The following TRHDE variants were observed in gnomAD, a reference collection of about 807,000 sequenced individuals.
TRHDE encodes thyrotropin-releasing hormone-degrading ectoenzyme.
TRHDE carries 72 observed loss-of-function variants against 125.7 expected under a neutral mutation model. The ratio of observed to expected loss-of-function variants is 0.57; its 90% CI spans 0.47 to 0.70. The LOEUF (loss-of-function observed/expected upper bound fraction) is 0.70, where lower values mean the gene tolerates loss of function less well. TRHDE is among the 30% of genes least tolerant of loss of function. TRHDE has a pLI of 0.00. For missense variants in TRHDE, 1,110 were observed against 1,327.1 expected, an observed-to-expected ratio of 0.84 and a Z score of 2.54; for synonymous variants, 509 against 509.1, an observed-to-expected ratio of 1.00 and a Z score of 0.00.
chr12:72,241,291 C>A lies in TRHDE; in HGVS notation n.279+135539C>A, dbSNP rs550986618. Among the ~76,000 whole-genome samples the A allele has an allele frequency of 4.6e-5, 7 of 152,300 alleles. No homozygotes were observed. The East Asian group carries it at 1.2e-3, about 25-fold the overall frequency. ...ACCTCAAAACACATCACTGTGCTATCCCTTTGTAGTCACATACTCCCCTTT... is the reference window on the plus strand; with the variant it reads ...ACCTCAAAACACATCACTGTGCTATACCTTTGTAGTCACATACTCCCCTTT... On this transcript the variant is annotated intron_variant and non_coding_transcript_variant, in intron 2 of 4. Transcript: ENST00000548156.
chr12:72,397,740 AAG>A (rs1257016901), intron 3 of TRHDE, among the ~76,000 whole-genome samples: 1 of 152,120 alleles, frequency 6.6e-6, no homozygotes, highest in Non-Finnish European at 1.5e-5. Flanking sequence ...GAGAGAGACA[AAG>A]AGAGGCATAG....
At chr12:72,394,715 C>T (rs1366729053) in intron 3 of TRHDE, among the ~76,000 whole-genome samples, 3 of 152,184 alleles carry the variant, frequency 2.0e-5, no homozygotes, top group African/African-American at 7.2e-5. Flanking sequence ...TTACATCTTG[C>T]AGCATACAAG....
At position 72,665,533 on chromosome 12, in the gene TRHDE, C is replaced by T. The variant is rs568711255; in HGVS notation, c.*2338C>T. 3 of 152,282 alleles carry T rather than the reference C, an allele frequency of 2.0e-5. No individual in the cohort carries two copies. Among genetic ancestry groups the T allele is most frequent in the East Asian group, 1.9e-4 (1 of 5,178 alleles). The allele number at this position is 152,282 out of a possible 1,614,324, so 9.4% of individuals were successfully genotyped here. On this transcript the variant is annotated 3_prime_UTR_variant, in exon 19 of 19. Transcript: ENST00000261180. ...ATGTTGAAATTATATCAGGCTTTAC[C>T]GGTTTTTTTAGTTGTTTAAATAAGT... is the stretch of plus-strand genomic sequence containing the variant.
chr12:72,575,199 T>C (rs1050920316), intron 10 of TRHDE, 56 bp from the exon 11 acceptor site: 32 of 1,565,844 alleles, frequency 2.0e-5, no homozygotes, highest in Admixed American at 1.1e-4. Flanking sequence ...GAAAACATAC[T>C]TCATTTCATT....
chr12:72,518,453 G>T (rs1439070086), intron 6 of TRHDE, among the ~76,000 whole-genome samples: 1 of 151,902 alleles, frequency 6.6e-6, no homozygotes, highest in Non-Finnish European at 1.5e-5. Flanking sequence ...TTTTATCAGA[G>T]ACTAGGATTG....
intron 3 of TRHDE, among the ~76,000 whole-genome samples, chr12:72,467,578 A>T (rs1010925411): frequency 6.6e-6 from 1 of 152,202 alleles, no homozygotes; most frequent in African/African-American, 2.4e-5. Context: ...GCACTTTGGG[A>T]GGCCGAGGTG....
chr12:72,307,074 G>C (rs1361301619), intron 2 of TRHDE, among the ~76,000 whole-genome samples: 1 of 152,112 alleles, frequency 6.6e-6, no homozygotes. Context: ...GGGCCTTCTA[G>C]GTGGGTATAG....
At chr12:72,466,178 T>C (rs919898185) in intron 3 of TRHDE, among the ~76,000 whole-genome samples, 1 of 152,216 alleles carries the variant, frequency 6.6e-6, no homozygotes, top group African/African-American at 2.4e-5. Flanking sequence ...GCTTATGCTG[T>C]TAGTCAGGCT....
In TRHDE at chr12:72,621,563, T is replaced by C. The variant is rs1028289097; in HGVS notation, c.2568-81T>C. 7 of 1,052,186 alleles carry C rather than the reference T, an allele frequency of 6.7e-6. No homozygotes were observed. In the South Asian group the frequency reaches 7.4e-5, roughly 11 times the overall value. The allele number at this position is 1,052,186 out of a possible 1,614,324, so 65.2% of individuals were successfully genotyped here. On this transcript the variant is annotated intron_variant, in intron 14 of 18. Transcript: ENST00000261180. ...CCAGATCTAAAAACCATTTTTATGT[T>C]AATAATTTACTTATCTACTATTTAG...
chr12:72,402,496 T>C (rs1873084609), intron 3 of TRHDE, among the ~76,000 whole-genome samples: 1 of 152,162 alleles, frequency 6.6e-6, no homozygotes, highest in South Asian at 2.1e-4. Flanking sequence ...TATCTTTTAG[T>C]GGCATCCTTC....
chr12:72,142,296 G>T (rs1192142736), intron 2 of TRHDE, among the ~76,000 whole-genome samples: 1 of 151,988 alleles, frequency 6.6e-6, no homozygotes. Flanking sequence ...CTCTTCCATG[G>T]GTTCCTTTTT....
chr12:72,553,003 A>G (rs953897643), intron 7 of TRHDE, among the ~76,000 whole-genome samples: 3 of 152,170 alleles, frequency 2.0e-5, no homozygotes, highest in African/African-American at 7.2e-5. Flanking sequence ...GAAAGCTGGC[A>G]ATGGGGAAAT....
At chr12:72,252,356 A>G (rs758328248) in intron 2 of TRHDE, among the ~76,000 whole-genome samples, 1 of 152,126 alleles carries the variant, frequency 6.6e-6, no homozygotes, top group Admixed American at 6.6e-5. Flanking sequence ...ATGGGTGCTC[A>G]CTGCTTCAGC....
intron 6 of TRHDE, among the ~76,000 whole-genome samples, chr12:72,501,999 G>A (rs977756537): frequency 2.0e-5 from 3 of 151,952 alleles, no homozygotes; most frequent in Non-Finnish European, 2.9e-5. Context: ...TTTAATAACT[G>A]CAGCATCTCT....
At chr12:72,659,302 T>C (rs1336823521) in intron 18 of TRHDE, among the ~76,000 whole-genome samples, 3 of 152,170 alleles carry the variant, frequency 2.0e-5, no homozygotes, top group Non-Finnish European at 4.4e-5. Context: ...GGCAATCTGT[T>C]ATTTATTTAA....
At chr12:72,529,764 AT>A (rs777790863) in intron 6 of TRHDE, among the ~76,000 whole-genome samples, 5 of 152,214 alleles carry the variant, frequency 3.3e-5, no homozygotes, top group Non-Finnish European at 4.4e-5. Context: ...AACTCAATTT[AT>A]CATTCTTCCA....
intron 5 of TRHDE, among the ~76,000 whole-genome samples, chr12:72,481,337 C>A (rs548837137): frequency 2.8e-4 from 38 of 135,378 alleles, no homozygotes; most frequent in East Asian, 1.7e-3. Context: ...AAAAAAAAAA[C>A]CAGAAAAATA....
At chr12:72,330,409 A>C (rs1869538956) in intron 2 of TRHDE, among the ~76,000 whole-genome samples, 1 of 151,950 alleles carries the variant, frequency 6.6e-6, no homozygotes, top group Non-Finnish European at 1.5e-5. Flanking sequence ...TCATGTGGCC[A>C]CAGGGATGTT....
chr12:72,334,642 T>G (rs1869751151), intron 2 of TRHDE, among the ~76,000 whole-genome samples: 1 of 152,334 alleles, frequency 6.6e-6, no homozygotes, highest in South Asian at 2.1e-4. Context: ...CTGATCCATA[T>G]CCAGTTTATG....
Sources: gnomAD v4.1 joint callset for allele counts (sites outside exome capture counted in the v4.1 genomes callset) on GRCh38, gnomAD v4.1.1 for gene constraint, MANE v1.5 for transcripts, NCBI Gene and HGNC (gene_info 2026-07-23, HGNC 2026-07-21) for gene names.